MTNAP1: variants seen among roughly 807,000 people sequenced by gnomAD.
MTNAP1 encodes the protein mitochondrial nucleoid associated protein 1, also known as mitochondrial nucleoid-associated protein 1.
At chr17:73,236,905 C>A in the MTNAP1 span, 2 of 1,613,820 alleles carry the variant, frequency 1.2e-6, no homozygotes, top group Non-Finnish European at 1.7e-6. Flanking sequence ...TTACCTTGGA[C>A]TAGGGGTGTT....
the MTNAP1 span, chr17:73,245,686 G>A: frequency 2.0e-6 from 2 of 985,278 alleles, no homozygotes; most frequent in East Asian, 1.1e-4. Flanking sequence ...TTGATAAGGT[G>A]TGAGAAACAC....
the MTNAP1 span, chr17:73,243,095 T>G: frequency 2.5e-4 from 231 of 937,030 alleles, 6 homozygotes; most frequent in Non-Finnish European, 3.0e-4. Flanking sequence ...TTTTTTTTTT[T>G]TTTTTTACAG....
At chr17:73,242,127 G>A in the MTNAP1 span, 1 of 569,330 alleles carries the variant, frequency 1.8e-6, no homozygotes, top group Admixed American at 3.3e-5. Context: ...AATCTTTAAT[G>A]CACCTGTTTA....
chr17:73,239,116 A>T, the MTNAP1 span, among the ~76,000 whole-genome samples: 3 of 151,580 alleles, frequency 2.0e-5, no homozygotes. Flanking sequence ...TTGTATTTTT[A>T]GTAGAGATGG....
At chr17:73,245,379 A>T in the MTNAP1 span, 1 of 1,293,168 alleles carries the variant, frequency 7.7e-7, no homozygotes, top group Non-Finnish European at 9.9e-7. Flanking sequence ...ATTAATATAG[A>T]CAGATCTGGT....
the MTNAP1 span, chr17:73,248,780 T>C: frequency 6.6e-6 from 3 of 457,212 alleles, no homozygotes; most frequent in Non-Finnish European, 1.2e-5. Context: ...TAATCCTGAA[T>C]AATATCTGAA....
the MTNAP1 span, chr17:73,243,089 T>TG: frequency 0.034 from 26,216 of 761,664 alleles, 46 homozygotes; most frequent in East Asian, 0.045. Flanking sequence ...TTTTTTTTTT[T>TG]TTTTTTTTTT....
the MTNAP1 span, among the ~76,000 whole-genome samples, chr17:73,243,548 C>CT: frequency 0.15 from 19,827 of 134,994 alleles, 1,622 homozygotes; most frequent in Non-Finnish European, 0.18. Context: ...TTCATGTTGT[C>CT]TTTTTTTTTT....
the MTNAP1 span, chr17:73,232,693 C>T: frequency 5.1e-6 from 1 of 194,996 alleles, no homozygotes; most frequent in Non-Finnish European, 1.0e-5. Flanking sequence ...TCGCCGGGGC[C>T]GCCTGGGCTT....
chr17:73,237,450 G>A, the MTNAP1 span, among the ~76,000 whole-genome samples: 2 of 151,690 alleles, frequency 1.3e-5, no homozygotes, highest in Non-Finnish European at 2.9e-5. Flanking sequence ...AAAAAAAATT[G>A]TCCTGAAAAC....
the MTNAP1 span, chr17:73,247,292 G>A: frequency 6.2e-7 from 1 of 1,614,178 alleles, no homozygotes; most frequent in Non-Finnish European, 8.5e-7. Flanking sequence ...CCATGCATTG[G>A]TGTGGCGAAG....
the MTNAP1 span, among the ~76,000 whole-genome samples, chr17:73,239,934 T>A: frequency 6.6e-6 from 1 of 152,160 alleles, no homozygotes; most frequent in East Asian, 1.9e-4. Flanking sequence ...AACCTCAAGT[T>A]GAGTTTAAAG....
the MTNAP1 span, chr17:73,236,477 G>A: frequency 8.7e-6 from 14 of 1,614,106 alleles, no homozygotes; most frequent in Non-Finnish European, 1.2e-5. Flanking sequence ...AGCCATGGCT[G>A]TGAGAACTTC....
At chr17:73,245,752 A>G in the MTNAP1 span, 2 of 980,334 alleles carry the variant, frequency 2.0e-6, no homozygotes, top group Non-Finnish European at 2.4e-6. Flanking sequence ...AAAGCTTACA[A>G]ATATTTTTAA....
At chr17:73,242,118 A>G in the MTNAP1 span, 3 of 551,228 alleles carry the variant, frequency 5.4e-6, no homozygotes, top group African/African-American at 3.9e-5. Flanking sequence ...CAATGCAGAA[A>G]TCTTTAATGC....
chr17:73,246,144 A>G, the MTNAP1 span, among the ~76,000 whole-genome samples: 163 of 152,302 alleles, frequency 1.1e-3, 2 homozygotes, highest in Middle Eastern at 0.01. Flanking sequence ...GGTTAGTTAT[A>G]TATCACACGC....
At chr17:73,240,628 A>G in the MTNAP1 span, among the ~76,000 whole-genome samples, 25 of 152,390 alleles carry the variant, frequency 1.6e-4, no homozygotes, top group Middle Eastern at 6.8e-3. Flanking sequence ...TCACTCAGGC[A>G]AGACCTTTGA....
chr17:73,236,385 C>T, the MTNAP1 span: 13 of 1,613,912 alleles, frequency 8.1e-6, no homozygotes, highest in South Asian at 1.2e-4. Flanking sequence ...AAGGACTTAC[C>T]CTGGGAGTAG....
chr17:73,240,872 TG>T, the MTNAP1 span, among the ~76,000 whole-genome samples: 34 of 109,032 alleles, frequency 3.1e-4, no homozygotes, highest in Non-Finnish European at 5.8e-4. Context: ...CCAAGATGAA[TG>T]GGTTTTTTTT....
Sources: allele counts gnomAD v4.1 joint callset (sites outside exome capture counted in the v4.1 genomes callset), GRCh38; gene constraint gnomAD v4.1.1; transcripts MANE v1.5; gene names NCBI Gene and HGNC (gene_info 2026-07-23, HGNC 2026-07-21).